ABCC4: variants seen among roughly 807,000 people sequenced by gnomAD.
ABCC4 encodes ATP-binding cassette sub-family C member 4.
Under a neutral mutation model 168.5 loss-of-function variants are expected in ABCC4, and 102 were observed. The ratio of observed to expected loss-of-function variants is 0.61; its 90% confidence interval spans 0.52 to 0.71. The LOEUF (loss-of-function observed/expected upper bound fraction) is 0.71. Ranked by LOEUF, ABCC4 falls within the 30% of genes least tolerant of loss-of-function variation. The pLI is 0.00. For missense variants in ABCC4, 1,402 were observed against 1,605.8 expected (o/e 0.87, Z 2.17); for synonymous variants, 617 against 590.7 (o/e 1.04, Z -0.65).
At chr13:95,157,518 G>GAAGA in intron 19 of ABCC4, among the ~76,000 whole-genome samples, 1 of 151,090 alleles carries the variant, frequency 6.6e-6, no homozygotes, top group East Asian at 2.0e-4. Flanking sequence ...AGGAAGGAAG[G>GAAGA]AAGGAGAAAA....
intron 4 of ABCC4, among the ~76,000 whole-genome samples, chr13:95,230,742 T>A (rs2039596265): frequency 6.6e-6 from 1 of 152,144 alleles, no homozygotes; most frequent in African/African-American, 2.4e-5. Flanking sequence ...GCCACTGCAC[T>A]CCTGACTGGG....
chr13:95,269,675 T>A (rs944670832), intron 1 of ABCC4, among the ~76,000 whole-genome samples: 1 of 152,100 alleles, frequency 6.6e-6, no homozygotes, highest in Non-Finnish European at 1.5e-5. Flanking sequence ...TAATATTCTG[T>A]ATCTGCTTTA....
At chr13:95,063,151 G>A (rs1045993806) in intron 25 of ABCC4, among the ~76,000 whole-genome samples, 3 of 152,088 alleles carry the variant, frequency 2.0e-5, no homozygotes, top group Non-Finnish European at 4.4e-5. Context: ...ACTGACAAAC[G>A]TCCTCTGGGG....
intron 10 of ABCC4, among the ~76,000 whole-genome samples, chr13:95,188,005 T>C (rs1220422067): frequency 1.3e-5 from 2 of 152,214 alleles, no homozygotes; most frequent in Admixed American, 6.5e-5. Context: ...AACACAGGAC[T>C]ATACACCTGG....
chr13:95,207,863 A>G lies in ABCC4; in HGVS notation c.848T>C (p.Ile283Thr). 1 of 1,613,652 alleles carries G rather than the reference A, an allele frequency of 6.2e-7. No homozygotes were observed. The highest frequency in any genetic ancestry group is 8.5e-7 in the Non-Finnish European group (1 of 1,179,882). ...CCAGGCGTACATTTTTATTATCCTT[A>G]TACCAGTTATAACTTCATTCATGGT... The part of the protein sequence containing the change: ...IRTMNEVITG[I>T]RIIKMYAWEK... Residue 283 changes from isoleucine to threonine, a missense_variant, in exon 7 of 31, where the codon ATA becomes ACA. This residue lies in a region of ABCC4 where 78 missense variants were observed against 133.0 expected (regional missense o/e 0.59). Coordinates refer to ENST00000645237, the MANE Select transcript of ABCC4 (RefSeq NM_005845.5).
intron 10 of ABCC4, among the ~76,000 whole-genome samples, chr13:95,188,112 C>G (rs771376891): frequency 6.6e-6 from 1 of 152,148 alleles, no homozygotes; most frequent in Non-Finnish European, 1.5e-5. Flanking sequence ...CTCCAGATGT[C>G]TTGTAGCATC....
chr13:95,130,075 T>TAA (rs539290300), intron 19 of ABCC4, among the ~76,000 whole-genome samples: 28 of 129,420 alleles, frequency 2.2e-4, no homozygotes, highest in African/African-American at 7.1e-4. Context: ...AACTCCATCT[T>TAA]AAAAAAAAAA....
intron 3 of ABCC4, among the ~76,000 whole-genome samples, chr13:95,238,797 C>T (rs1566557763): frequency 6.6e-6 from 1 of 152,310 alleles, no homozygotes; most frequent in East Asian, 1.9e-4. Context: ...ACCTCGTGAT[C>T]TGCCTGCCTT....
At chr13:95,033,566 C>T (rs1158080979) in intron 30 of ABCC4, among the ~76,000 whole-genome samples, 2 of 152,030 alleles carry the variant, frequency 1.3e-5, no homozygotes, top group East Asian at 1.9e-4. Flanking sequence ...ACGTAGCCTG[C>T]GTGTCTTTAA....
rs972224350 is a variant in ABCC4 at position 95,071,662 on chromosome 13, C to G, written c.3210G>C (p.Lys1070Asn). The G allele has an allele frequency of 7.0e-7, 1 of 1,429,838 alleles. No homozygotes were observed. The highest frequency in any genetic ancestry group is 1.5e-5 in the African/African-American group (1 of 68,334). 88.6% of individuals were successfully genotyped at this position (1,429,838 alleles called of 1,614,324 possible). ...HLTALIKSQE[K>N]VGIVGRTGAG... ...AAGAGGCAAGATGCTTTAAACAAACCTTTTCTTGTGATTTAATGAGTGCTG... is the reference window on the plus strand; with the variant it reads ...AAGAGGCAAGATGCTTTAAACAAACGTTTTCTTGTGATTTAATGAGTGCTG... Residue 1070 changes from lysine to asparagine, a missense_variant and splice_region_variant, in exon 25 of 31, where the codon AAG becomes AAC. Physicochemically the swap from Lys to Asn is moderately conservative, Grantham distance 94. Transcript: ENST00000645237.
intron 26 of ABCC4, among the ~76,000 whole-genome samples, chr13:95,058,776 G>C (rs906227716): frequency 6.6e-6 from 1 of 152,008 alleles, no homozygotes; most frequent in Admixed American, 6.6e-5. Flanking sequence ...TTCCTTCCTG[G>C]AGAATGGGGC....
At chr13:95,077,520 T>C (rs1348338408) in intron 21 of ABCC4, among the ~76,000 whole-genome samples, 1 of 152,016 alleles carries the variant, frequency 6.6e-6, no homozygotes, top group Non-Finnish European at 1.5e-5. Flanking sequence ...TATATTTTTG[T>C]AGACACTGGG....
chr13:95,218,633 C>T (rs964097685), intron 4 of ABCC4, among the ~76,000 whole-genome samples: 3 of 152,044 alleles, frequency 2.0e-5, no homozygotes. Context: ...GGCAAGATCA[C>T]ATGAGCCCAG....
rs148621296 is a variant in ABCC4, at chr13:95,122,193, C to G, written c.2456-6192G>C. Among the ~76,000 whole-genome samples the G allele has an allele frequency of 2.8e-4, 42 of 152,264 alleles. No individual in the cohort carries two copies. The East Asian group carries it at 8.1e-3, about 29-fold the overall frequency. ...TCTCTTCTCGAACTTTGCTCACTTTCATTTCAAAGATTTCCTGTTTGCTTA... is the reference window on the plus strand; with the variant it reads ...TCTCTTCTCGAACTTTGCTCACTTTGATTTCAAAGATTTCCTGTTTGCTTA... On this transcript the variant is annotated intron_variant, in intron 19 of 30. Coordinates refer to ENST00000645237, the MANE Select transcript of ABCC4 (RefSeq NM_005845.5).
chr13:95,218,744 A>G (rs2039195253), intron 4 of ABCC4, among the ~76,000 whole-genome samples: 2 of 151,976 alleles, frequency 1.3e-5, no homozygotes, highest in South Asian at 4.2e-4. Flanking sequence ...CCAGCTACTC[A>G]GGAGGCTGAG....
chr13:95,171,066 C>T (rs530748330), intron 13 of ABCC4, among the ~76,000 whole-genome samples: 77 of 148,818 alleles, frequency 5.2e-4, no homozygotes, highest in Non-Finnish European at 9.4e-4. Flanking sequence ...CTCCACCCCC[C>T]GCAAAAAGGC....
chr13:95,091,757 CA>C (rs60205363), intron 20 of ABCC4, among the ~76,000 whole-genome samples: 3 of 151,524 alleles, frequency 2.0e-5, no homozygotes, highest in South Asian at 2.1e-4. Context: ...CAAAAACAAA[CA>C]AAAAAAACAC....
chr13:95,047,506 T>C (rs1017020648), intron 27 of ABCC4, among the ~76,000 whole-genome samples: 2 of 91,988 alleles, frequency 2.2e-5, no homozygotes, highest in Admixed American at 1.5e-4. Context: ...TTGAGGTGGA[T>C]TCTTGCTCTG....
At chr13:95,274,218 C>A (rs1460881677) in intron 1 of ABCC4, among the ~76,000 whole-genome samples, 2 of 152,190 alleles carry the variant, frequency 1.3e-5, no homozygotes, top group African/African-American at 4.8e-5. Flanking sequence ...AGCAGGGTGA[C>A]CCTGTTCAGG....
Sources: allele counts gnomAD v4.1 joint callset (sites outside exome capture counted in the v4.1 genomes callset), GRCh38; gene constraint gnomAD v4.1.1; regional missense constraint gnomAD v4.1.1; transcripts MANE v1.5; gene names NCBI Gene and HGNC (gene_info 2026-07-23, HGNC 2026-07-21).